HPRT1: variants seen among roughly 807,000 people sequenced by gnomAD.
The protein encoded by HPRT1 is hypoxanthine-guanine phosphoribosyltransferase.
A neutral mutation model predicts 19.0 loss-of-function variants in HPRT1; 4 were observed. That is an observed-to-expected ratio of 0.21 (90% CI 0.10 to 0.48). The LOEUF is 0.48. Among genes scored for constraint, HPRT1 ranks in the 20% least tolerant of loss-of-function variants. HPRT1 has a pLI of 0.98. For synonymous variants in HPRT1, 53 were observed against 54.9 expected, an observed-to-expected ratio of 0.97 and a Z score of 0.15; for missense variants, 65 against 164.0, an observed-to-expected ratio of 0.40 and a Z score of 3.30.
chrX:134,465,160 C>T (rs1375376744), intron 1 of HPRT1, among the ~76,000 whole-genome samples: 1 of 110,780 alleles, frequency 9.0e-6, no homozygotes, highest in African/African-American at 3.3e-5. Context: ...ACCTCAGCCT[C>T]CCAAAGTGCT....
chrX:134,460,687 G>T (rs962581291), intron 1 of HPRT1, among the ~76,000 whole-genome samples: 2 of 110,450 alleles, frequency 1.8e-5, no homozygotes, highest in African/African-American at 3.3e-5. Flanking sequence ...GGGTGGGGGC[G>T]TGGGGGCTTT....
chrX:134,460,237 C>CCTCCGCCTCCTCCTCTG lies in HPRT1; in HGVS notation c.-67_-51dup, dbSNP rs2077578848. The CCTCCGCCTCCTCCTCTG allele has an allele frequency of 1.0e-5, 11 of 1,053,390 alleles. No individual in the cohort carries two copies. The South Asian group carries it at 1.8e-4, about 17-fold the overall frequency. 86.8% of individuals were successfully genotyped at this position (1,053,390 alleles called of 1,213,427 possible). On this transcript the variant is annotated 5_prime_UTR_variant, in exon 1 of 9. Coordinates refer to ENST00000298556, the MANE Select transcript of HPRT1 (RefSeq NM_000194.3). ...CCGCGCGGCGCCGCCTCTTGCTGCG[C>CCTCCGCCTCCTCCTCTG]CTCCGCCTCCTCCTCTGCTCCGCCA...
At chrX:134,463,707 A>G (rs774725615) in intron 1 of HPRT1, among the ~76,000 whole-genome samples, 1 of 112,017 alleles carries the variant, frequency 8.9e-6, no homozygotes, top group South Asian at 3.7e-4. Flanking sequence ...AGTTCATTAG[A>G]TAGTAACTAG....
At chrX:134,479,689 A>G (rs1285321281) in intron 3 of HPRT1, among the ~76,000 whole-genome samples, 2 of 110,573 alleles carry the variant, frequency 1.8e-5, no homozygotes, top group African/African-American at 6.6e-5. Flanking sequence ...GTTCACTGCA[A>G]CCTCTGCGTG....
At chrX:134,460,655 C>A (rs1018569431) in intron 1 of HPRT1, 8 of 149,234 alleles carry the variant, frequency 5.4e-5, no homozygotes, top group Admixed American at 8.9e-5. Flanking sequence ...GGGCCGAGGG[C>A]AGATTCGGGA....
chrX:134,500,074 C>T lies in HPRT1; in HGVS notation c.654C>T (p.Ala218=). The change falls in exon 9 of 9, where the codon GCC becomes GCT. Residue 218 remains alanine (A), a synonymous_variant. Transcript: ENST00000298556. The part of the protein sequence containing the change: ...ISETGKAKYK[A] Reference sequence around the variant, plus strand: ...AAACTGGAAAAGCAAAATACAAAGCCTAAGATGAGAGTTCAAGTTGAGTTT... The same window carrying T: ...AAACTGGAAAAGCAAAATACAAAGCTTAAGATGAGAGTTCAAGTTGAGTTT... The T allele has an allele frequency of 1.7e-6, 2 of 1,162,477 alleles. No homozygotes were observed. Among genetic ancestry groups the T allele is most frequent in the Non-Finnish European group, 2.4e-6 (2 of 850,831 alleles).
chrX:134,498,942 T>A (rs886992726), intron 8 of HPRT1, among the ~76,000 whole-genome samples: 1 of 111,973 alleles, frequency 8.9e-6, no homozygotes, highest in Admixed American at 9.5e-5. Context: ...ATGATAAATG[T>A]GGTCATAAGT....
At chrX:134,484,891 C>T (rs1400931816) in intron 3 of HPRT1, among the ~76,000 whole-genome samples, 1 of 111,300 alleles carries the variant, frequency 9.0e-6, no homozygotes, top group African/African-American at 3.3e-5. Context: ...TCGGGCTGGC[C>T]TTGAACTCCT....
intron 1 of HPRT1, among the ~76,000 whole-genome samples, chrX:134,471,203 T>C (rs1251609179): frequency 9.0e-6 from 1 of 111,673 alleles, no homozygotes; most frequent in Non-Finnish European, 1.9e-5. Context: ...AAAAGTGATA[T>C]ATATTCATTG....
rs41299094 is a variant in HPRT1 at position 134,500,417 on chromosome X, A to G, written c.*340A>G. 355 of 173,473 alleles carry G rather than the reference A, an allele frequency of 2.0e-3. No homozygotes were observed. Among genetic ancestry groups the G allele is most frequent in the Non-Finnish European group, 3.0e-3 (274 of 92,544 alleles). The allele number at this position is 173,473 out of a possible 1,213,427, so 14.3% of individuals were successfully genotyped here. A position where few individuals can be genotyped will look rare whatever the true frequency, so the allele number is the denominator to read the frequency against. On this transcript the variant is annotated 3_prime_UTR_variant, in exon 9 of 9. Coordinates refer to ENST00000298556, the MANE Select transcript of HPRT1 (RefSeq NM_000194.3). ...ATATTAGTTTTTTAATTGGTATTTT[A>G]ATTTTTATATATGCAGGAAAGAATA... is the stretch of plus-strand genomic sequence containing the variant.
intron 3 of HPRT1, among the ~76,000 whole-genome samples, chrX:134,482,176 C>G (rs1329594486): frequency 9.0e-6 from 1 of 111,235 alleles, no homozygotes; most frequent in Non-Finnish European, 1.9e-5. Flanking sequence ...ACCTCAGCCT[C>G]CCAAGTAGCT....
chrX:134,460,535 G>T, intron 1 of HPRT1, 197 bp downstream of exon 1: 1 of 265,514 alleles, frequency 3.8e-6, no homozygotes, highest in Non-Finnish European at 6.5e-6. Context: ...CGGGGTTTGG[G>T]GTGGGTCCCT....
Position 134,475,129 on chromosome X carries a change from T to C in HPRT1, c.135-52T>C. ...TTTAATGACTAAGAGGTGTTTGTTATAAAGTTTAATGTATGAAACTTTCTA... is the reference window on the plus strand; with the variant it reads ...TTTAATGACTAAGAGGTGTTTGTTACAAAGTTTAATGTATGAAACTTTCTA... On this transcript the variant is annotated intron_variant, in intron 2 of 8. Coordinates refer to ENST00000298556, the MANE Select transcript of HPRT1 (RefSeq NM_000194.3). 7 of 980,451 alleles carry C rather than the reference T, an allele frequency of 7.1e-6. No homozygotes were observed. The South Asian group carries it at 1.2e-4, about 16-fold the overall frequency. 80.8% of individuals were successfully genotyped at this position (980,451 alleles called of 1,213,427 possible). A position where few individuals can be genotyped will look rare whatever the true frequency, so the allele number is the denominator to read the frequency against.
intron 1 of HPRT1, among the ~76,000 whole-genome samples, chrX:134,461,235 C>T (rs17882186): frequency 3.2e-4 from 36 of 111,623 alleles, no homozygotes; most frequent in Non-Finnish European, 4.7e-4. Flanking sequence ...GTTGTTTTGG[C>T]AATGACCTGG....
chrX:134,494,503 T>C (rs1236808443), intron 6 of HPRT1, among the ~76,000 whole-genome samples: 2 of 111,656 alleles, frequency 1.8e-5, no homozygotes, highest in African/African-American at 6.5e-5. Flanking sequence ...GAGTCATATG[T>C]CAGCAGTTTG....
chrX:134,460,199 C>T lies in HPRT1; in HGVS notation c.-113C>T. On this transcript the variant is annotated 5_prime_UTR_variant, in exon 1 of 9. Transcript: ENST00000298556. The stretch of plus-strand genomic sequence containing the variant: ...CGGCTGCGACGAGCCCTCAGGCGAA[C>T]CTCTCGGCTTTCCCGCGCGGCGCCG... 4 of 843,973 alleles carry T rather than the reference C, an allele frequency of 4.7e-6. No individual in the cohort carries two copies. The highest frequency in any genetic ancestry group is 4.3e-5 in the East Asian group (1 of 23,516). 69.6% of individuals were successfully genotyped at this position (843,973 alleles called of 1,213,427 possible).
chrX:134,476,098 C>A (rs2077624633), intron 3 of HPRT1, among the ~76,000 whole-genome samples: 2 of 112,124 alleles, frequency 1.8e-5, no homozygotes, highest in Admixed American at 1.9e-4. Context: ...AAGATTAGAA[C>A]AAATGTCCAG....
At chrX:134,498,201 T>G (rs2077686561) in intron 6 of HPRT1, among the ~76,000 whole-genome samples, 189 bp from the exon 7 acceptor site, 1 of 112,073 alleles carries the variant, frequency 8.9e-6, no homozygotes, top group African/African-American at 3.2e-5. Context: ...TGTCAACTCA[T>G]TGCTGCCCCT....
chrX:134,491,032 ACTGT>A (rs767521993), intron 5 of HPRT1, among the ~76,000 whole-genome samples: 9 of 97,461 alleles, frequency 9.2e-5, no homozygotes, highest in Admixed American at 3.5e-4. Context: ...ATCACTTATC[ACTGT>A]CTAACAGCCT....
Sources: gnomAD v4.1 joint callset for allele counts (sites outside exome capture counted in the v4.1 genomes callset) on GRCh38, gnomAD v4.1.1 for gene constraint, MANE v1.5 for transcripts, NCBI Gene and HGNC (gene_info 2026-07-23, HGNC 2026-07-21) for gene names.